Variants in CRYBA1 observed in about 807,000 individuals in gnomAD.
CRYBA1 encodes beta-crystallin A3.
A neutral mutation model predicts 36.2 loss-of-function variants in CRYBA1; 25 were observed. The ratio of observed to expected loss-of-function variants is 0.69; its 90% CI spans 0.50 to 0.97. CRYBA1 has a LOEUF of 0.97. CRYBA1 is among the 50% of genes least tolerant of loss of function. CRYBA1 has a pLI of 0.00. For synonymous variants in CRYBA1, 111 were observed against 90.0 expected, an observed-to-expected ratio of 1.23 and a Z score of -1.32; for missense variants, 224 against 276.3, an observed-to-expected ratio of 0.81 and a Z score of 1.34.
intron 1 of CRYBA1, among the ~76,000 whole-genome samples, chr17:29,248,833 T>C (rs917378110): frequency 6.6e-6 from 1 of 151,816 alleles, no homozygotes; most frequent in African/African-American, 2.4e-5. Flanking sequence ...CTGGACATAG[T>C]GGTGCATGCC....
intron 1 of CRYBA1, 120 bp downstream of exon 1, chr17:29,247,014 G>A (rs1182218820): frequency 8.8e-7 from 1 of 1,133,340 alleles, no homozygotes; most frequent in Non-Finnish European, 1.3e-6. Context: ...CTGGAGAAGA[G>A]TGGGGAACTC....
chr17:29,253,426 A>G (rs72819450), intron 4 of CRYBA1, among the ~76,000 whole-genome samples: 3,292 of 152,354 alleles, frequency 0.022, 41 homozygotes, highest in Middle Eastern at 0.034. Flanking sequence ...CCAAAATAGT[A>G]TATCAGTTAT....
intron 2 of CRYBA1, 96 bp downstream of exon 2, chr17:29,249,302 A>G (rs2068921295): frequency 4.7e-6 from 4 of 842,486 alleles, no homozygotes; most frequent in African/African-American, 1.7e-5. Context: ...GTGACTGACC[A>G]GAAAAACCCC....
chr17:29,248,361 T>C (rs976915025), intron 1 of CRYBA1, among the ~76,000 whole-genome samples: 1 of 151,222 alleles, frequency 6.6e-6, no homozygotes, highest in Admixed American at 6.6e-5. Flanking sequence ...TGATCCTTGT[T>C]TTTTTTCTTT....
chr17:29,246,992 C>A (rs2068904895), intron 1 of CRYBA1, 98 bp downstream of exon 1: 18 of 1,339,424 alleles, frequency 1.3e-5, no homozygotes, highest in Non-Finnish European at 1.9e-5. Flanking sequence ...TGTGTAGAGC[C>A]TTCTAGGGTG....
chr17:29,250,115 G>A (rs947206771), intron 2 of CRYBA1, 67 bp from the exon 3 acceptor site: 3 of 888,630 alleles, frequency 3.4e-6, no homozygotes, highest in Non-Finnish European at 5.8e-6. Flanking sequence ...CTGAAGTTAA[G>A]CTGTTGACCT....
At chr17:29,251,728 C>G (rs1246578448) in intron 3 of CRYBA1, among the ~76,000 whole-genome samples, 1 of 152,192 alleles carries the variant, frequency 6.6e-6, no homozygotes, top group African/African-American at 2.4e-5. Flanking sequence ...ATCTGCTTGC[C>G]TTGGCCTCCT....
intron 5 of CRYBA1, 85 bp downstream of exon 5, chr17:29,253,867 G>GT (rs2068951713): frequency 6.8e-7 from 1 of 1,479,256 alleles, no homozygotes; most frequent in Non-Finnish European, 9.3e-7. Flanking sequence ...GATTTCATAC[G>GT]TATCGGTATA....
chr17:29,249,215 A>C lies in CRYBA1; in HGVS notation c.96+9A>C. 1 of 1,588,048 alleles carries C rather than the reference A, an allele frequency of 6.3e-7. No individual in the cohort carries two copies. On this transcript the variant is annotated intron_variant, in intron 2 of 5. Transcript: ENST00000225387. ...CCCTGGGGCCATGGAAGGTAAGCCC[A>C]CCCCCATCACATCCAACAGGGCAGG... is the stretch of plus-strand genomic sequence containing the variant.
At position 29,249,182 on chromosome 17, in the gene CRYBA1, G is replaced by A. The variant is rs759301972; in HGVS notation, c.72G>A (p.Thr24=). The A allele has an allele frequency of 9.3e-6, 15 of 1,612,898 alleles. No homozygotes were observed. The highest frequency in any genetic ancestry group is 2.7e-5 in the African/African-American group (2 of 74,810). ...PTTKMAQTNP[T]PGSLGPWKIT... is the part of the protein sequence containing the mutation. ...CCAAGATGGCTCAGACCAACCCTAC[G>A]CCGGGGTCCCTGGGGCCATGGAAGG... is the stretch of plus-strand genomic sequence containing the variant. Residue 24 remains threonine (T), a synonymous_variant, in exon 2 of 6, where the codon ACG becomes ACA. Coordinates refer to ENST00000225387, the MANE Select transcript of CRYBA1 (RefSeq NM_005208.5).
At chr17:29,248,695 G>T (rs1390326538) in intron 1 of CRYBA1, among the ~76,000 whole-genome samples, 3 of 151,928 alleles carry the variant, frequency 2.0e-5, no homozygotes, top group African/African-American at 7.2e-5. Flanking sequence ...ATAACTGCAT[G>T]TCGAAGCTTT....
chr17:29,251,342 A>G (rs2068934298), intron 3 of CRYBA1, among the ~76,000 whole-genome samples: 1 of 152,130 alleles, frequency 6.6e-6, no homozygotes, highest in African/African-American at 2.4e-5. Flanking sequence ...ACAACTCATA[A>G]TGTTTTGAGG....
chr17:29,251,496 ATT>A (rs142673604), intron 3 of CRYBA1, among the ~76,000 whole-genome samples: 2 of 148,210 alleles, frequency 1.3e-5, no homozygotes. Context: ...AGAAAAAAAA[ATT>A]TTTTTTTTTT....
intron 3 of CRYBA1, 141 bp from the exon 4 acceptor site, chr17:29,251,923 T>C (rs2068937776): frequency 9.4e-7 from 1 of 1,066,364 alleles, no homozygotes; most frequent in East Asian, 2.4e-5. Context: ...TCAACTCTTG[T>C]GACAAATTAC....
chr17:29,247,380 T>G (rs1022239986), intron 1 of CRYBA1, among the ~76,000 whole-genome samples: 1 of 152,178 alleles, frequency 6.6e-6, no homozygotes, highest in Non-Finnish European at 1.5e-5. Flanking sequence ...CCTACCATCT[T>G]CACTGTCTAC....
At chr17:29,247,778 T>C (rs2068909454) in intron 1 of CRYBA1, among the ~76,000 whole-genome samples, 1 of 152,126 alleles carries the variant, frequency 6.6e-6, no homozygotes, top group Non-Finnish European at 1.5e-5. Flanking sequence ...GGAAAGCCTC[T>C]GAGAAGGCAA....
rs909452159 is a variant in CRYBA1, at chr17:29,254,438, T to C, written c.*89T>C. The stretch of plus-strand genomic sequence containing the variant: ...AAGTTTTATGTTCTGCTCACAGACA[T>C]TGCTTTCAAATGTTAGCTGCTGAAA... On this transcript the variant is annotated 3_prime_UTR_variant, in exon 6 of 6. Transcript: ENST00000225387. 2.1e-6 allele frequency: 3 copies of C among 1,418,350 alleles called. No individual in the cohort carries two copies. The Admixed American group carries it at 5.1e-5, about 24-fold the overall frequency. The allele number at this position is 1,418,350 out of a possible 1,614,324, so 87.9% of individuals were successfully genotyped here.
rs142631461 is a variant in CRYBA1, at chr17:29,249,184, C to T, written c.74C>T (p.Pro25Leu). ...AAGATGGCTCAGACCAACCCTACGC[C>T]GGGGTCCCTGGGGCCATGGAAGGTA... ...TTKMAQTNPT[P>L]GSLGPWKITI... Residue 25 changes from proline to leucine, a missense_variant, in exon 2 of 6, where the codon CCG becomes CTG. Transcript: ENST00000225387. 41,672 of 1,612,402 alleles carry T rather than the reference C, an allele frequency of 0.026. 651 individuals carry two copies. Among genetic ancestry groups the T allele is most frequent in the Non-Finnish European group, 0.031 (36,897 of 1,178,478 alleles).
At chr17:29,252,290 T>C in intron 4 of CRYBA1, 85 bp downstream of exon 4, 1 of 1,554,156 alleles carries the variant, frequency 6.4e-7, no homozygotes, top group South Asian at 1.1e-5. Context: ...CTATTTATCA[T>C]CAGTTATGCT....
Sources: gnomAD v4.1 joint callset for allele counts (sites outside exome capture counted in the v4.1 genomes callset) on GRCh38, gnomAD v4.1.1 for gene constraint, MANE v1.5 for transcripts, NCBI Gene and HGNC (gene_info 2026-07-23, HGNC 2026-07-21) for gene names.